Variants in ISM1 observed in about 807,000 individuals in gnomAD.
The protein encoded by ISM1 is isthmin 1.
Under a neutral mutation model 46.3 loss-of-function variants are expected in ISM1, and 25 were observed. That is an observed-to-expected ratio of 0.54 (90% CI 0.39 to 0.75). The LOEUF (loss-of-function observed/expected upper bound fraction) is 0.75. Ranked by LOEUF, ISM1 falls within the 30% of genes least tolerant of loss-of-function variation. The pLI is 0.00. For missense variants in ISM1, 536 were observed against 625.4 expected (o/e 0.86, Z 1.52); for synonymous variants, 255 against 256.7 (o/e 0.99, Z 0.06).
At chr20:13,240,356 G>C (rs1183085484) in intron 1 of ISM1, among the ~76,000 whole-genome samples, 1 of 152,190 alleles carries the variant, frequency 6.6e-6, no homozygotes, top group Non-Finnish European at 1.5e-5. Flanking sequence ...CCTACTAAAA[G>C]AGGGTGGTCA....
intron 1 of ISM1, among the ~76,000 whole-genome samples, chr20:13,260,082 C>G (rs2039971012): frequency 6.6e-6 from 1 of 152,208 alleles, no homozygotes; most frequent in South Asian, 2.1e-4. Context: ...GTTTTCCAAG[C>G]AGGAATCACA....
At chr20:13,258,094 G>A (rs752575943) in intron 1 of ISM1, among the ~76,000 whole-genome samples, 1 of 152,084 alleles carries the variant, frequency 6.6e-6, no homozygotes, top group East Asian at 1.9e-4. Flanking sequence ...TATTATAGCT[G>A]CTATTTCTCC....
chr20:13,234,608 C>T (rs2039627000), intron 1 of ISM1, among the ~76,000 whole-genome samples: 3 of 152,192 alleles, frequency 2.0e-5, no homozygotes, highest in Admixed American at 2.0e-4. Flanking sequence ...ATGTCCTCGC[C>T]AACATATGTT....
At chr20:13,312,962 G>A in the ISM1 span, among the ~76,000 whole-genome samples, 24 of 152,270 alleles carry the variant, frequency 1.6e-4, no homozygotes, top group South Asian at 5.0e-3. Context: ...CACCAAAGGA[G>A]CATCTGGGTG....
chr20:13,308,168 G>A, the ISM1 span, among the ~76,000 whole-genome samples: 4 of 152,150 alleles, frequency 2.6e-5, no homozygotes, highest in African/African-American at 9.7e-5. Context: ...CATTCACTGT[G>A]CTGCGTGCTG....
At chr20:13,238,686 T>C (rs1319334584) in intron 1 of ISM1, among the ~76,000 whole-genome samples, 1 of 152,194 alleles carries the variant, frequency 6.6e-6, no homozygotes, top group East Asian at 1.9e-4. Context: ...ATACAGGATG[T>C]TTTTGGCTTC....
At chr20:13,250,910 C>T (rs1324176959) in intron 1 of ISM1, among the ~76,000 whole-genome samples, 1 of 152,194 alleles carries the variant, frequency 6.6e-6, no homozygotes, top group Non-Finnish European at 1.5e-5. Context: ...CCTTTGCCCC[C>T]ATCTATTTTA....
At chr20:13,293,162 TGCACTCCA>T (rs1242445565) in intron 5 of ISM1, among the ~76,000 whole-genome samples, 2 of 146,898 alleles carry the variant, frequency 1.4e-5, no homozygotes, top group East Asian at 2.0e-4. Context: ...ATCGCGCCAC[TGCACTCCA>T]GCACTCCAGC....
At chr20:13,240,899 AT>A (rs1226014416) in intron 1 of ISM1, among the ~76,000 whole-genome samples, 1 of 152,124 alleles carries the variant, frequency 6.6e-6, no homozygotes, top group African/African-American at 2.4e-5. Flanking sequence ...ATGTCAGTGG[AT>A]TTATATGGGA....
At chr20:13,325,366 C>T in the ISM1 span, among the ~76,000 whole-genome samples, 2 of 152,198 alleles carry the variant, frequency 1.3e-5, no homozygotes, top group Admixed American at 6.5e-5. Flanking sequence ...GTTTCGAACT[C>T]CTGCATGCTT....
chr20:13,277,643 CTTT>C (rs33968434), intron 2 of ISM1, among the ~76,000 whole-genome samples: 6 of 145,700 alleles, frequency 4.1e-5, no homozygotes, highest in Non-Finnish European at 3.0e-5. Context: ...CCCCCCTACC[CTTT>C]TTTTTTTTTT....
At chr20:13,229,101 CTTCCT>C (rs551743868) in intron 1 of ISM1, among the ~76,000 whole-genome samples, 378 of 151,004 alleles carry the variant, frequency 2.5e-3, no homozygotes, top group Non-Finnish European at 4.3e-3. Context: ...CCTTTTTTAT[CTTCCT>C]TTCCTTTCTT....
chr20:13,225,894 A>T (rs894331085), intron 1 of ISM1, among the ~76,000 whole-genome samples: 4 of 152,200 alleles, frequency 2.6e-5, no homozygotes, highest in African/African-American at 9.7e-5. Context: ...ATAGATATAG[A>T]TATATAATAA....
At position 13,285,314 on chromosome 20, in the gene ISM1, G is replaced by GAA. The variant is rs73619823; in HGVS notation, c.644-3218_644-3217dup. 9.7e-3 allele frequency among the ~76,000 whole-genome samples: 1,455 copies of GAA among 150,522 alleles called. 25 individuals are homozygous for GAA. The highest frequency in any genetic ancestry group is 0.034 in the African/African-American group (1,382 of 40,984). On this transcript the variant is annotated intron_variant, in intron 3 of 5. Coordinates refer to ENST00000262487, the MANE Select transcript of ISM1 (RefSeq NM_080826.2). ...ACAGCTTAAAAAATAAAAAAGAAAGGAAAAAAAAAGCCAACCGCAAAATTA... is the reference window on the plus strand; with the variant it reads ...ACAGCTTAAAAAATAAAAAAGAAAGGAAAAAAAAAAAGCCAACCGCAAAATTA...
At chr20:13,243,663 T>A (rs1200420839) in intron 1 of ISM1, among the ~76,000 whole-genome samples, 2 of 150,034 alleles carry the variant, frequency 1.3e-5, no homozygotes, top group Non-Finnish European at 3.0e-5. Context: ...TAAAAAAAAA[T>A]TAGCCCTTCA....
At chr20:13,272,364 G>A (rs1319897117) in intron 2 of ISM1, among the ~76,000 whole-genome samples, 2 of 152,128 alleles carry the variant, frequency 1.3e-5, no homozygotes, top group African/African-American at 2.4e-5. Context: ...ACCAACCCCC[G>A]CTGTATATAA....
At chr20:13,320,951 T>C in the ISM1 span, among the ~76,000 whole-genome samples, 1 of 151,912 alleles carries the variant, frequency 6.6e-6, no homozygotes, top group African/African-American at 2.4e-5. Context: ...GTAATCCCAG[T>C]ACTTTGGGAG....
intron 1 of ISM1, among the ~76,000 whole-genome samples, chr20:13,227,684 A>C (rs946632954): frequency 6.8e-6 from 1 of 147,864 alleles, no homozygotes; most frequent in Non-Finnish European, 1.5e-5. Flanking sequence ...AATTTTTTGT[A>C]TTTTTAGTAG....
intron 3 of ISM1, among the ~76,000 whole-genome samples, chr20:13,285,372 C>T (rs925211892): frequency 7.9e-5 from 12 of 152,172 alleles, no homozygotes; most frequent in African/African-American, 2.4e-4. Context: ...CTCACAAGTC[C>T]GTGGGTTGTC....
Sources: gnomAD v4.1 joint callset for allele counts (sites outside exome capture counted in the v4.1 genomes callset) on GRCh38, gnomAD v4.1.1 for gene constraint, MANE v1.5 for transcripts, NCBI Gene and HGNC (gene_info 2026-07-23, HGNC 2026-07-21) for gene names.